FNIP1: variants seen among roughly 807,000 people sequenced by gnomAD.
FNIP1 encodes the protein folliculin-interacting protein 1.
A neutral mutation model predicts 124.5 loss-of-function variants in FNIP1; 40 were observed. The ratio of observed to expected loss-of-function variants is 0.32; its 90% CI spans 0.25 to 0.42. The LOEUF is 0.42. Ranked by LOEUF, FNIP1 falls within the 10% of genes least tolerant of loss-of-function variation. FNIP1 has a pLI of 1.00. For missense variants in FNIP1, 1,176 were observed against 1,403.7 expected (o/e 0.84, Z 2.59); for synonymous variants, 472 against 470.6 (o/e 1.00, Z -0.04).
At chr5:131,711,644 G>A (rs1769294731) in intron 6 of FNIP1, among the ~76,000 whole-genome samples, 1 of 152,096 alleles carries the variant, frequency 6.6e-6, no homozygotes, top group Admixed American at 6.6e-5. Context: ...ACAGGTGCAT[G>A]CCACCAGGCC....
At chr5:131,780,490 T>C (rs1170482918) in intron 1 of FNIP1, among the ~76,000 whole-genome samples, 1 of 151,756 alleles carries the variant, frequency 6.6e-6, no homozygotes, top group African/African-American at 2.4e-5. Flanking sequence ...TTTATTTTTA[T>C]TTTTTTTACA....
intron 1 of FNIP1, among the ~76,000 whole-genome samples, chr5:131,794,362 C>T (rs1345683386): frequency 6.6e-6 from 1 of 150,624 alleles, no homozygotes; most frequent in Non-Finnish European, 1.5e-5. Flanking sequence ...TCATGCATTG[C>T]TACTGAGAAT....
intron 11 of FNIP1, among the ~76,000 whole-genome samples, chr5:131,693,135 C>CA (rs1284676309): frequency 2.0e-5 from 3 of 147,454 alleles, no homozygotes; most frequent in Admixed American, 6.8e-5. Context: ...CTTTTAATGA[C>CA]AAAAAATGAT....
At chr5:131,785,081 T>TATATATATATC (rs1446278167) in intron 1 of FNIP1, among the ~76,000 whole-genome samples, 3 of 12,086 alleles carry the variant, frequency 2.5e-4, no homozygotes, top group African/African-American at 4.9e-4. Context: ...ATATATGACA[T>TATATATATATC]ATATATATGA....
intron 1 of FNIP1, among the ~76,000 whole-genome samples, chr5:131,772,349 T>C (rs566886352): frequency 6.7e-6 from 1 of 150,042 alleles, no homozygotes; most frequent in South Asian, 2.1e-4. Context: ...GTCAGACTCA[T>C]CAAACTGCAA....
chr5:131,730,411 G>C (rs181682292), intron 3 of FNIP1, among the ~76,000 whole-genome samples: 1 of 152,264 alleles, frequency 6.6e-6, no homozygotes, highest in East Asian at 1.9e-4. Context: ...CACTTGCTAA[G>C]CATGAGACCA....
At chr5:131,693,261 A>G (rs1038673612) in intron 11 of FNIP1, among the ~76,000 whole-genome samples, 2 of 126,624 alleles carry the variant, frequency 1.6e-5, no homozygotes, top group Non-Finnish European at 3.3e-5. Context: ...CCTGTCAACT[A>G]AAAAAAAAAA....
chr5:131,676,157 C>T (rs183854788), intron 13 of FNIP1, among the ~76,000 whole-genome samples: 11 of 152,034 alleles, frequency 7.2e-5, no homozygotes, highest in East Asian at 1.9e-4. Context: ...GAGTAGCTGG[C>T]GCCCACCACC....
intron 1 of FNIP1, among the ~76,000 whole-genome samples, chr5:131,777,231 A>T (rs535167013): frequency 6.6e-6 from 1 of 152,210 alleles, no homozygotes; most frequent in African/African-American, 2.4e-5. Flanking sequence ...TTAAAACAAA[A>T]TTTAATTTGA....
chr5:131,670,204 T>C (rs1365071545), intron 15 of FNIP1, among the ~76,000 whole-genome samples: 4 of 152,218 alleles, frequency 2.6e-5, no homozygotes, highest in Non-Finnish European at 4.4e-5. Context: ...TTTGATACTA[T>C]AAATAACCTA....
At chr5:131,734,697 A>G (rs537091384) in intron 2 of FNIP1, among the ~76,000 whole-genome samples, 14 of 152,368 alleles carry the variant, frequency 9.2e-5, no homozygotes, top group Middle Eastern at 3.4e-3. Flanking sequence ...TGCAGCCAAC[A>G]GACACATGAA....
At chr5:131,761,782 C>T (rs975008812) in intron 1 of FNIP1, among the ~76,000 whole-genome samples, 1 of 151,784 alleles carries the variant, frequency 6.6e-6, no homozygotes, top group African/African-American at 2.4e-5. Flanking sequence ...CATACGGAAC[C>T]ACAAAAGATC....
chr5:131,701,442 T>TTA (rs776900994), intron 10 of FNIP1, among the ~76,000 whole-genome samples: 1 of 152,230 alleles, frequency 6.6e-6, no homozygotes, highest in Non-Finnish European at 1.5e-5. Flanking sequence ...CACCCACAAC[T>TTA]TATTACTGTG....
chr5:131,693,303 T>TAC (rs1768550319), intron 11 of FNIP1, among the ~76,000 whole-genome samples: 6 of 29,214 alleles, frequency 2.1e-4, no homozygotes, highest in Non-Finnish European at 4.6e-4. Flanking sequence ...TATACATATA[T>TAC]ATATATATAT....
intron 11 of FNIP1, among the ~76,000 whole-genome samples, chr5:131,685,857 CTT>C (rs1488266587): frequency 1.3e-5 from 2 of 151,844 alleles, no homozygotes. Context: ...AAGGCTATAA[CTT>C]TTCATAGTTC....
chr5:131,699,017 T>C lies in FNIP1; in HGVS notation c.1117-15A>G. ...ATTTTCATAGCCTTGAAAACAATCA[T>C]TGAGATAGTTAATTCTTATGTTAAT... On this transcript the variant is annotated splice_polypyrimidine_tract_variant and intron_variant, in intron 10 of 17. Transcript: ENST00000510461. 4 of 1,594,744 alleles carry C rather than the reference T, an allele frequency of 2.5e-6. No homozygotes were observed. The highest frequency in any genetic ancestry group is 3.4e-6 in the Non-Finnish European group (4 of 1,172,646).
chr5:131,672,547 T>C lies in FNIP1; in HGVS notation c.1897A>G (p.Ile633Val). ...ENISQQEREDIQNSSKELLGI... is the reference protein window; with the variant it reads ...ENISQQEREDVQNSSKELLGI... ...AGCAGCTCCTTAGAGCTGTTTTGAA[T>C]ATCTTCTCTCTCTTGTTGTGAAATG... Residue 633 changes from isoleucine (I) to valine (V), a missense_variant, in exon 14 of 18, where the codon ATT becomes GTT. Transcript: ENST00000510461. The C allele has an allele frequency of 6.2e-7, 1 of 1,614,010 alleles. No individual in the cohort carries two copies.
intron 15 of FNIP1, among the ~76,000 whole-genome samples, chr5:131,663,776 T>G (rs2149511058): frequency 6.6e-6 from 1 of 152,346 alleles, no homozygotes; most frequent in South Asian, 2.1e-4. Context: ...TGGTTAAAAT[T>G]GCTTGTTTAC....
Position 131,671,905 on chromosome 5 carries a change from T to C in FNIP1, c.2539A>G (p.Arg847Gly), listed in dbSNP as rs374901065. Residue 847 changes from arginine to glycine, a missense_variant, in exon 14 of 18, where the codon AGG becomes GGG. By Grantham distance (125) the Arg-to-Gly change is moderately radical (BLOSUM62 -2). Coordinates refer to ENST00000510461, the MANE Select transcript of FNIP1 (RefSeq NM_133372.3). ...TTAAATGGAACATCATCAATAGTCC[T>C]GGTTTCGATTGAATCATCATTAAAA... ...EYFNDDSIETRTIDDVPFKTS... is the reference protein window; with the variant it reads ...EYFNDDSIETGTIDDVPFKTS... The C allele has an allele frequency of 6.8e-5, 109 of 1,614,096 alleles. No individual in the cohort carries two copies. Among genetic ancestry groups the C allele is most frequent in the Non-Finnish European group, 8.9e-5 (105 of 1,180,046 alleles).
Sources: allele counts gnomAD v4.1 joint callset (sites outside exome capture counted in the v4.1 genomes callset), GRCh38; gene constraint gnomAD v4.1.1; transcripts MANE v1.5; gene names NCBI Gene and HGNC (gene_info 2026-07-23, HGNC 2026-07-21).